PHACTR4: variants seen among roughly 807,000 people sequenced by gnomAD.
PHACTR4 encodes the protein protein phosphatase 1, regulatory subunit 124.
PHACTR4 carries 51 observed loss-of-function variants against 72.7 expected under a neutral mutation model. The ratio of observed to expected loss-of-function variants is 0.70; its 90% confidence interval spans 0.56 to 0.89. The LOEUF is 0.89. Ranked by LOEUF, PHACTR4 falls within the 40% of genes least tolerant of loss-of-function variation. The pLI is 0.00. For synonymous variants in PHACTR4, 255 were observed against 302.5 expected, an observed-to-expected ratio of 0.84 and a Z score of 1.63; for missense variants, 731 against 861.8, an observed-to-expected ratio of 0.85 and a Z score of 1.90.
At chr1:28,444,003 C>T (rs944472952) in intron 2 of PHACTR4, among the ~76,000 whole-genome samples, 1 of 151,958 alleles carries the variant, frequency 6.6e-6, no homozygotes, top group South Asian at 2.1e-4. Context: ...TTTGAGGACC[C>T]TCCATACTGT....
chr1:28,378,007 C>G lies in PHACTR4; in HGVS notation c.-39+8182C>G, dbSNP rs558107963. 8.0e-5 allele frequency among the ~76,000 whole-genome samples: 12 copies of G among 149,640 alleles called. 1 individual carries two copies. The South Asian group carries it at 2.6e-3, about 32-fold the overall frequency. ...GGTCAGGAGATTGAGACCATCCTGGCTAACACGGTGAAACCCCGTCTCTAC... is the reference window on the plus strand; with the variant it reads ...GGTCAGGAGATTGAGACCATCCTGGGTAACACGGTGAAACCCCGTCTCTAC... On this transcript the variant is annotated intron_variant, in intron 1 of 13. Coordinates refer to ENST00000373839, the MANE Select transcript of PHACTR4 (RefSeq NM_001048183.3).
intron 2 of PHACTR4, among the ~76,000 whole-genome samples, chr1:28,446,825 C>T (rs1208114148): frequency 6.6e-6 from 1 of 151,892 alleles, no homozygotes; most frequent in African/African-American, 2.4e-5. Context: ...CTCTCTTGCT[C>T]CTGTTCTGGG....
chr1:28,385,100 TTG>T (rs759820397), intron 1 of PHACTR4, among the ~76,000 whole-genome samples: 8 of 152,158 alleles, frequency 5.3e-5, no homozygotes, highest in Non-Finnish European at 1.2e-4. Context: ...ATTGAGATCT[TTG>T]TAACTTTTTG....
chr1:28,476,997 C>T (rs1347281338), intron 8 of PHACTR4, among the ~76,000 whole-genome samples: 1 of 150,874 alleles, frequency 6.6e-6, no homozygotes, highest in Non-Finnish European at 1.5e-5. Context: ...CTCAAACTCC[C>T]GACCTCAGGT....
chr1:28,389,299 A>G (rs1244929804), intron 1 of PHACTR4, among the ~76,000 whole-genome samples: 1 of 152,118 alleles, frequency 6.6e-6, no homozygotes, highest in East Asian at 1.9e-4. Context: ...CCACAATGAG[A>G]TATTACCTCA....
At chr1:28,438,059 G>T in intron 2 of PHACTR4, 1 of 890,616 alleles carries the variant, frequency 1.1e-6, no homozygotes, top group Non-Finnish European at 1.4e-6. Context: ...GGACTTTTGG[G>T]CTATGCCAGT....
chr1:28,479,230 G>A (rs926795205), intron 8 of PHACTR4, among the ~76,000 whole-genome samples: 6 of 152,064 alleles, frequency 3.9e-5, no homozygotes, highest in African/African-American at 1.4e-4. Flanking sequence ...AGATCAGCCT[G>A]GCCAATGTGG....
chr1:28,452,916 C>T (rs988927996), intron 2 of PHACTR4, among the ~76,000 whole-genome samples: 3 of 152,132 alleles, frequency 2.0e-5, no homozygotes, highest in Admixed American at 1.3e-4. Flanking sequence ...GTCAGGAGCT[C>T]GAGACCAGCC....
At chr1:28,451,679 TG>T (rs1657983989) in intron 2 of PHACTR4, among the ~76,000 whole-genome samples, 1 of 152,122 alleles carries the variant, frequency 6.6e-6, no homozygotes, top group Admixed American at 6.6e-5. Flanking sequence ...GGGTCTCACT[TG>T]TTGCCCAGGC....
At chr1:28,479,747 G>A (rs964953452) in intron 8 of PHACTR4, among the ~76,000 whole-genome samples, 10 of 151,684 alleles carry the variant, frequency 6.6e-5, no homozygotes, top group Non-Finnish European at 1.5e-4. Flanking sequence ...CAAAAAATTA[G>A]CTGGGCGTGG....
chr1:28,460,711 G>T (rs559170362), intron 4 of PHACTR4, among the ~76,000 whole-genome samples: 18 of 152,184 alleles, frequency 1.2e-4, no homozygotes, highest in Non-Finnish European at 1.8e-4. Context: ...GTTTCACCAT[G>T]TTGGTCAGGC....
At chr1:28,460,163 G>A in intron 3 of PHACTR4, 49 bp from the exon 4 acceptor site, 2 of 1,298,728 alleles carry the variant, frequency 1.5e-6, no homozygotes, top group Non-Finnish European at 2.2e-6. Context: ...GTGTAAGGTT[G>A]ACTTTCAACT....
intron 2 of PHACTR4, among the ~76,000 whole-genome samples, chr1:28,443,561 C>G (rs1330778046): frequency 6.6e-6 from 1 of 152,074 alleles, no homozygotes; most frequent in Non-Finnish European, 1.5e-5. Flanking sequence ...GATCCTCCCC[C>G]CTCAGCCTCC....
chr1:28,488,347 A>C (rs1230361232), intron 9 of PHACTR4, among the ~76,000 whole-genome samples: 1 of 151,592 alleles, frequency 6.6e-6, no homozygotes, highest in African/African-American at 2.4e-5. Flanking sequence ...AATACAAAAA[A>C]TTAGCCAGGC....
At chr1:28,448,279 G>T (rs909595464) in intron 2 of PHACTR4, among the ~76,000 whole-genome samples, 2 of 152,022 alleles carry the variant, frequency 1.3e-5, no homozygotes, top group Admixed American at 6.6e-5. Context: ...ACTTTGGGAG[G>T]TCGAAGCGGA....
chr1:28,482,104 G>A (rs901528118), intron 9 of PHACTR4, among the ~76,000 whole-genome samples: 1 of 151,808 alleles, frequency 6.6e-6, no homozygotes, highest in Non-Finnish European at 1.5e-5. Flanking sequence ...CACCATGTTG[G>A]CCAGGCTGGT....
intron 1 of PHACTR4, among the ~76,000 whole-genome samples, chr1:28,405,471 T>C (rs1053791178): frequency 6.6e-6 from 1 of 151,498 alleles, no homozygotes; most frequent in Admixed American, 6.6e-5. Context: ...GGACTACAGG[T>C]ACAGGCCACC....
intron 4 of PHACTR4, among the ~76,000 whole-genome samples, chr1:28,465,236 C>G (rs943116405): frequency 1.4e-4 from 21 of 152,018 alleles, no homozygotes; most frequent in Non-Finnish European, 2.6e-4. Flanking sequence ...CTGAGGCGGG[C>G]AGATCACGAG....
intron 1 of PHACTR4, among the ~76,000 whole-genome samples, chr1:28,392,796 G>A (rs1653161176): frequency 6.6e-6 from 1 of 151,786 alleles, no homozygotes; most frequent in Non-Finnish European, 1.5e-5. Context: ...TAGTAAAAAT[G>A]ATTTTTTTTT....
Sources: allele counts gnomAD v4.1 joint callset (sites outside exome capture counted in the v4.1 genomes callset), GRCh38; gene constraint gnomAD v4.1.1; transcripts MANE v1.5; gene names NCBI Gene and HGNC (gene_info 2026-07-23, HGNC 2026-07-21).